The following EOGT variants were observed in gnomAD, a reference collection of about 807,000 sequenced individuals.
The protein encoded by EOGT is EGF domain-specific O-linked N-acetylglucosamine transferase.
A neutral mutation model predicts 70.5 loss-of-function variants in EOGT; 55 were observed. The ratio of observed to expected loss-of-function variants is 0.78; its 90% confidence interval spans 0.63 to 0.98. The LOEUF is 0.98. Among genes scored for constraint, EOGT ranks in the 50% least tolerant of loss-of-function variants. The pLI is 0.00. For synonymous variants in EOGT, 246 were observed against 217.1 expected (o/e 1.13, Z -1.17); for missense variants, 703 against 641.9 (o/e 1.10, Z -1.03).
chr3:69,004,489 T>C lies in EOGT; in HGVS notation c.516-7A>G, dbSNP rs1380793990. 3.8e-6 allele frequency: 6 copies of C among 1,599,718 alleles called. No homozygotes were observed. The highest frequency in any genetic ancestry group is 1.1e-5 in the South Asian group (1 of 90,746). On this transcript the variant is annotated splice_polypyrimidine_tract_variant and splice_region_variant and intron_variant, in intron 7 of 17. Transcript: ENST00000383701. Reference sequence around the variant, plus strand: ...GAAAAAGTCCTCCTTAAATCTGGTATATAACAAAACATTAAGTTAAGTTCA... The same window carrying C: ...GAAAAAGTCCTCCTTAAATCTGGTACATAACAAAACATTAAGTTAAGTTCA...
rs2091199865 is a variant in EOGT, at chr3:68,998,044, G to C, written c.798C>G (p.Phe266Leu). Residue 266 changes from phenylalanine (F) to leucine (L), a missense_variant, in exon 10 of 18, where the codon TTC becomes TTG. Phe to Leu is a conservative substitution (Grantham distance 22, BLOSUM62 0). Coordinates refer to ENST00000383701, the MANE Select transcript of EOGT (RefSeq NM_001278689.2). ...LYITQHVNNSFSTDVYIVMWD... is the reference protein window; with the variant it reads ...LYITQHVNNSLSTDVYIVMWD... ...ACATCACGATGTACACGTCAGTACT[G>C]AATGAGTTATTAACGTGCTGAGTAA... 5.6e-6 allele frequency: 9 copies of C among 1,597,988 alleles called. No individual in the cohort carries two copies. Among genetic ancestry groups the C allele is most frequent in the Non-Finnish European group, 7.7e-6 (9 of 1,171,046 alleles).
At chr3:68,978,941 CAT>C (rs201444537) in intron 16 of EOGT, among the ~76,000 whole-genome samples, 180 of 150,418 alleles carry the variant, frequency 1.2e-3, no homozygotes, top group African/African-American at 4.2e-3. Context: ...TATTTCTCTA[CAT>C]ATATCATATA....
chr3:69,001,768 T>C, intron 8 of EOGT, 54 bp from the exon 9 acceptor site: 2 of 1,202,142 alleles, frequency 1.7e-6, no homozygotes, highest in Non-Finnish European at 1.2e-6. Context: ...AACTTCCTAT[T>C]AGAACACTGT....
chr3:68,997,456 C>T lies in EOGT; in HGVS notation c.831+555G>A, dbSNP rs1299684654. On this transcript the variant is annotated intron_variant, in intron 10 of 17. Transcript: ENST00000383701. ...CGATCTCGGCTCAATGCAACCTCCA[C>T]CTCCCAGGTTCAAGTGATTCTCCGA... Among the ~76,000 whole-genome samples the T allele has an allele frequency of 3.3e-5, 5 of 151,748 alleles. No homozygotes were observed. In the East Asian group the frequency reaches 7.7e-4, roughly 23 times the overall value.
In EOGT at chr3:69,009,837, A is replaced by G. The variant is rs2091528985; in HGVS notation, c.10T>C (p.Leu4=). 1 of 1,613,764 alleles carries G rather than the reference A, an allele frequency of 6.2e-7. No homozygotes were observed. Among genetic ancestry groups the G allele is most frequent in the Non-Finnish European group, 8.5e-7 (1 of 1,179,868 alleles). Residue 4 remains leucine (L), a synonymous_variant, in exon 4 of 18, where the codon TTG becomes CTG. Transcript: ENST00000383701. MLM[L]FVFGVLLHEV... ...TGAAGTAAGACTCCAAAGACAAACA[A>G]CATTAACATAGCAACCTGCAAACCT...
chr3:68,979,838 T>A (rs778141747), intron 15 of EOGT, 51 bp from the exon 16 acceptor site: 5 of 1,561,864 alleles, frequency 3.2e-6, no homozygotes, highest in Non-Finnish European at 4.4e-6. Context: ...AGAGAAGTAT[T>A]AGGTTGAGTT....
At chr3:68,979,644 G>A (rs755264021) in intron 16 of EOGT, 24 bp downstream of exon 16, 35 of 1,611,306 alleles carry the variant, frequency 2.2e-5, no homozygotes, top group South Asian at 1.1e-5. Context: ...TTGCTTCAGT[G>A]TAAAACTGCC....
intron 10 of EOGT, among the ~76,000 whole-genome samples, chr3:68,995,806 G>C (rs1234353502): frequency 6.6e-6 from 1 of 152,088 alleles, no homozygotes; most frequent in African/African-American, 2.4e-5. Context: ...CACAGGTCTG[G>C]GGTCAGGCTG....
At chr3:68,987,683 T>A in intron 13 of EOGT, 170 bp from the exon 14 acceptor site, 1 of 613,296 alleles carries the variant, frequency 1.6e-6, no homozygotes, top group South Asian at 2.1e-5. Context: ...AATAAAAATG[T>A]ATCCACTTCA....
At position 68,998,125 on chromosome 3, in the gene EOGT, A is replaced by G; in HGVS notation, c.728-11T>C. 1 of 1,388,270 alleles carries G rather than the reference A, an allele frequency of 7.2e-7. No homozygotes were observed. Among genetic ancestry groups the G allele is most frequent in the Non-Finnish European group, 1.0e-6 (1 of 984,314 alleles). 86.0% of individuals were successfully genotyped at this position (1,388,270 alleles called of 1,614,324 possible). ...GATACATGTTAACACCTAGTGTTGGAAAATGAAACTACATTAATTAACACC... is the reference window on the plus strand; with the variant it reads ...GATACATGTTAACACCTAGTGTTGGGAAATGAAACTACATTAATTAACACC... On this transcript the variant is annotated splice_polypyrimidine_tract_variant and intron_variant, in intron 9 of 17. Transcript: ENST00000383701.
In EOGT at chr3:68,975,332, T is replaced by C. The variant is rs935945252; in HGVS notation, c.*2286A>G. The C allele has an allele frequency of 5.9e-5, 9 of 152,686 alleles. No individual in the cohort carries two copies. The highest frequency in any genetic ancestry group is 1.9e-4 in the African/African-American group (8 of 41,476). 9.5% of individuals were successfully genotyped at this position (152,686 alleles called of 1,614,324 possible). On this transcript the variant is annotated 3_prime_UTR_variant, in exon 18 of 18. Coordinates refer to ENST00000383701, the MANE Select transcript of EOGT (RefSeq NM_001278689.2). The stretch of plus-strand genomic sequence containing the variant: ...AAAGAGCAATCTTTACATTTTACAA[T>C]TTGAAGACCTTCTGTTCCCACAAAA...
Position 69,008,508 on chromosome 3 carries a change from C to A in EOGT, c.231G>T (p.Lys77Asn). 1 of 1,613,974 alleles carries A rather than the reference C, an allele frequency of 6.2e-7. No individual in the cohort carries two copies. Among genetic ancestry groups the A allele is most frequent in the East Asian group, 2.2e-5 (1 of 44,872 alleles). ...CPYKKHLEKLKYCWGYEKSCK... is the reference protein window; with the variant it reads ...CPYKKHLEKLNYCWGYEKSCK... Reference sequence around the variant, plus strand: ...AGGATTTCTCATAACCCCAGCAGTACTTTAGCTTCTCTAGGTGTTTCTAGA... The same window carrying A: ...AGGATTTCTCATAACCCCAGCAGTAATTTAGCTTCTCTAGGTGTTTCTAGA... Residue 77 changes from lysine (K) to asparagine (N), a missense_variant, in exon 5 of 18, where the codon AAG becomes AAT. Coordinates refer to ENST00000383701, the MANE Select transcript of EOGT (RefSeq NM_001278689.2).
chr3:69,005,199 C>G lies in EOGT; in HGVS notation c.456G>C (p.Gln152His). ...GATAGAGATTGGTTGCTCTGCAGTA[C>G]TGAAGATAACGGGAACACACCAGAC... is the stretch of plus-strand genomic sequence containing the variant. ...DSSLVCSRYLQYCRATNLYLD... is the reference protein window; with the variant it reads ...DSSLVCSRYLHYCRATNLYLD... Residue 152 changes from glutamine (Q) to histidine (H), a missense_variant, in exon 7 of 18, where the codon CAG becomes CAC. Gln to His is a conservative substitution (Grantham distance 24, BLOSUM62 0). Transcript: ENST00000383701. 6.2e-7 allele frequency: 1 copy of G among 1,605,546 alleles called. No individual in the cohort carries two copies. Among genetic ancestry groups the G allele is most frequent in the Non-Finnish European group, 8.5e-7 (1 of 1,173,254 alleles).
chr3:68,998,148 A>C, intron 9 of EOGT, 34 bp from the exon 10 acceptor site: 1 of 1,136,516 alleles, frequency 8.8e-7, no homozygotes, highest in Non-Finnish European at 1.3e-6. Context: ...ATTAATTAAC[A>C]CCAAAGAGCA....
intron 9 of EOGT, among the ~76,000 whole-genome samples, chr3:69,000,999 C>G (rs1461671635): frequency 6.6e-6 from 1 of 151,064 alleles, no homozygotes; most frequent in African/African-American, 2.4e-5. Flanking sequence ...GCTCTGTCAC[C>G]AGGCTGGAGT....
At chr3:68,993,210 C>A (rs1263027145) in intron 10 of EOGT, among the ~76,000 whole-genome samples, 9 of 152,220 alleles carry the variant, frequency 5.9e-5, no homozygotes, top group Admixed American at 3.3e-4. Flanking sequence ...CACAATCAGG[C>A]TGCAAATTTT....
At chr3:69,011,611 C>G (rs937860) in intron 3 of EOGT, among the ~76,000 whole-genome samples, 25,275 of 109,350 alleles carry the variant, frequency 0.23, 2,402 homozygotes, top group Middle Eastern at 0.32. Flanking sequence ...AAAAAAAAAA[C>G]AAAGAAAGAA....
At chr3:68,984,927 A>G (rs1311295021) in intron 14 of EOGT, among the ~76,000 whole-genome samples, 7 of 152,144 alleles carry the variant, frequency 4.6e-5, no homozygotes, top group Admixed American at 3.9e-4. Context: ...CTAAGAAAGC[A>G]GTTTCAGTCC....
At chr3:69,013,048 C>T (rs1375148328) in intron 1 of EOGT, among the ~76,000 whole-genome samples, 1 of 152,088 alleles carries the variant, frequency 6.6e-6, no homozygotes, top group Non-Finnish European at 1.5e-5. Flanking sequence ...GCTCGGCTGC[C>T]CCTTGAACGT....
Sources: allele counts gnomAD v4.1 joint callset (sites outside exome capture counted in the v4.1 genomes callset), GRCh38; gene constraint gnomAD v4.1.1; transcripts MANE v1.5; gene names NCBI Gene and HGNC (gene_info 2026-07-23, HGNC 2026-07-21).